The following BAIAP2 variants were observed in gnomAD, a reference collection of about 807,000 sequenced individuals.
The protein encoded by BAIAP2 is BAR/IMD domain-containing adapter protein 2.
Under a neutral mutation model 63.0 loss-of-function variants are expected in BAIAP2, and 18 were observed. The ratio of observed to expected loss-of-function variants is 0.29; its 90% CI spans 0.20 to 0.42. BAIAP2 has a LOEUF of 0.42. BAIAP2 is among the 10% of genes least tolerant of loss of function. BAIAP2 has a pLI of 1.00. For synonymous variants in BAIAP2, 386 were observed against 307.6 expected (o/e 1.25, Z -2.67); for missense variants, 610 against 734.3 (o/e 0.83, Z 1.96).
At chr17:81,062,926 C>T (rs796523686) in intron 3 of BAIAP2, among the ~76,000 whole-genome samples, 4 of 149,752 alleles carry the variant, frequency 2.7e-5, no homozygotes, top group Non-Finnish European at 5.9e-5. Context: ...CCCCGCCCCC[C>T]CGCCGCCCCC....
At chr17:81,059,924 TGGC>T (rs1470012817) in intron 3 of BAIAP2, among the ~76,000 whole-genome samples, 7 of 152,270 alleles carry the variant, frequency 4.6e-5, no homozygotes, top group African/African-American at 1.7e-4. Flanking sequence ...AACTTCCTGT[TGGC>T]GGAGTCCCTG....
At chr17:81,082,230 C>T (rs902576056) in intron 3 of BAIAP2, among the ~76,000 whole-genome samples, 3 of 152,208 alleles carry the variant, frequency 2.0e-5, no homozygotes, top group Non-Finnish European at 4.4e-5. Flanking sequence ...CACACATGCT[C>T]ACCCGCATAA....
chr17:81,104,183 C>A, intron 9 of BAIAP2, 75 bp downstream of exon 9: 1 of 1,480,420 alleles, frequency 6.8e-7, no homozygotes, highest in East Asian at 2.4e-5. Context: ...TGCCACAACC[C>A]TCAATAGGGG....
intron 1 of BAIAP2, among the ~76,000 whole-genome samples, chr17:81,038,577 C>T (rs983051035): frequency 1.8e-4 from 28 of 152,224 alleles, no homozygotes; most frequent in Admixed American, 4.6e-4. Context: ...GCCAGCCTGG[C>T]GGGGCCGCAG....
intron 13 of BAIAP2, chr17:81,109,095 G>A: frequency 2.0e-6 from 3 of 1,481,678 alleles, no homozygotes; most frequent in South Asian, 1.3e-5. Flanking sequence ...GTTTGTTCTT[G>A]GGTTGTTTTT....
At chr17:81,082,281 C>T (rs1204288512) in intron 3 of BAIAP2, among the ~76,000 whole-genome samples, 2 of 152,194 alleles carry the variant, frequency 1.3e-5, no homozygotes, top group Admixed American at 6.5e-5. Flanking sequence ...TGCCCACTCA[C>T]ATAGGTAGAC....
intron 6 of BAIAP2, among the ~76,000 whole-genome samples, chr17:81,092,324 C>G (rs1419447061): frequency 6.6e-6 from 1 of 152,218 alleles, no homozygotes; most frequent in African/African-American, 2.4e-5. Context: ...CACTGCCCGC[C>G]TCCACTGCCG....
chr17:81,039,141 G>A (rs920611702), intron 1 of BAIAP2, among the ~76,000 whole-genome samples: 1 of 152,210 alleles, frequency 6.6e-6, no homozygotes, highest in African/African-American at 2.4e-5. Context: ...TGTGTTACCC[G>A]CCCTCGCCAC....
rs747775919 is a variant in BAIAP2 at position 81,103,989 on chromosome 17, G to A, written c.947G>A (p.Arg316His). Reference protein sequence around the residue: ...DGEDYSPWADRKAAQPKSLSP... With the variant: ...DGEDYSPWADHKAAQPKSLSP... ...GAGGACTACAGCCCGTGGGCTGACCGCAAGGCTGCCCAGCCCAAATCCCTG... is the reference window on the plus strand; with the variant it reads ...GAGGACTACAGCCCGTGGGCTGACCACAAGGCTGCCCAGCCCAAATCCCTG... Residue 316 changes from arginine to histidine, a missense_variant, in exon 9 of 14, where the codon CGC becomes CAC. Arg to His is a conservative substitution (Grantham distance 29, BLOSUM62 0). Transcript: ENST00000428708. 14 of 1,613,004 alleles carry A rather than the reference G, an allele frequency of 8.7e-6. No homozygotes were observed. Among genetic ancestry groups the A allele is most frequent in the East Asian group, 2.2e-5 (1 of 44,892 alleles).
At chr17:81,086,006 G>A (rs920832701) in intron 5 of BAIAP2, among the ~76,000 whole-genome samples, 5 of 152,188 alleles carry the variant, frequency 3.3e-5, no homozygotes, top group African/African-American at 1.2e-4. Flanking sequence ...TCTGCTGCCG[G>A]GGAGTGCAGG....
At chr17:81,065,770 A>G (rs536440643) in intron 3 of BAIAP2, among the ~76,000 whole-genome samples, 22 of 152,336 alleles carry the variant, frequency 1.4e-4, no homozygotes, top group Admixed American at 3.9e-4. Flanking sequence ...GTCCTGGTAC[A>G]ACGTGTACAC....
At chr17:81,111,000 A>G (rs1451742677) in intron 13 of BAIAP2, 73 of 1,611,888 alleles carry the variant, frequency 4.5e-5, no homozygotes, top group Non-Finnish European at 6.0e-5. Context: ...TGGCCTCTCC[A>G]GTGGTTCTCC....
Position 81,078,554 on chromosome 17 carries a change from G to A in BAIAP2, c.218-6278G>A, listed in dbSNP as rs563183317. Among the ~76,000 whole-genome samples, 241 of 142,190 alleles carry A rather than the reference G, an allele frequency of 1.7e-3. 3 individuals are homozygous for A. The highest frequency in any genetic ancestry group is 0.016 in the East Asian group (73 of 4,688). 93.3% of individuals were successfully genotyped at this position (142,190 alleles called of 152,430 possible). A position where few individuals can be genotyped will look rare whatever the true frequency, so the allele number is the denominator to read the frequency against. ...CCGTATTGGGTGGGAGCCGGGCGCT[G>A]TGGGTGCAGGTGCCATCTCCGAGCT... is the stretch of plus-strand genomic sequence containing the variant. On this transcript the variant is annotated intron_variant, in intron 3 of 13. Coordinates refer to ENST00000428708, the MANE Select transcript of BAIAP2 (RefSeq NM_001144888.2).
intron 1 of BAIAP2, among the ~76,000 whole-genome samples, chr17:81,035,649 C>T (rs2046129669): frequency 6.6e-6 from 1 of 151,332 alleles, no homozygotes; most frequent in Non-Finnish European, 1.5e-5. Flanking sequence ...AACGGAGCCG[C>T]GCGCCGGGCC....
chr17:81,098,235 G>C (rs953433240), intron 6 of BAIAP2: 22 of 1,285,296 alleles, frequency 1.7e-5, no homozygotes, highest in African/African-American at 6.1e-5. Flanking sequence ...GGGCAGGCTG[G>C]GAGGCGCCTC....
chr17:81,066,036 G>T (rs997823336), intron 3 of BAIAP2, among the ~76,000 whole-genome samples: 3 of 152,242 alleles, frequency 2.0e-5, no homozygotes, highest in African/African-American at 7.2e-5. Flanking sequence ...GTCTATCTGG[G>T]GCCCTGAGCC....
rs1450613757 is a variant in BAIAP2 at position 81,046,558 on chromosome 17, C to T, written c.55-7110C>T. ...TCGGTGCTCCTGTGTGTGGGGTCAG[C>T]AGTGGCCCGCCCTGGAGGACGCTGC... On this transcript the variant is annotated intron_variant, in intron 1 of 13. Coordinates refer to ENST00000428708, the MANE Select transcript of BAIAP2 (RefSeq NM_001144888.2). The surrounding 1 kb of genome is among the most constrained non-coding windows in gnomAD (Gnocchi z 4.5). Among the ~76,000 whole-genome samples, 1 of 152,134 alleles carries T rather than the reference C, an allele frequency of 6.6e-6. No individual in the cohort carries two copies. Among genetic ancestry groups the T allele is most frequent in the Non-Finnish European group, 1.5e-5 (1 of 68,022 alleles).
At chr17:81,075,219 G>A (rs989258926) in intron 3 of BAIAP2, among the ~76,000 whole-genome samples, 2 of 152,224 alleles carry the variant, frequency 1.3e-5, no homozygotes, top group African/African-American at 4.8e-5. Context: ...CCGGCGGCCA[G>A]GTCTGCGCCT....
intron 1 of BAIAP2, among the ~76,000 whole-genome samples, chr17:81,049,106 A>G (rs1248263591): frequency 6.6e-6 from 1 of 152,246 alleles, no homozygotes; most frequent in East Asian, 1.9e-4. Flanking sequence ...CCAGGGAGCC[A>G]GTGCGTGGTC....
Sources: allele counts gnomAD v4.1 joint callset (sites outside exome capture counted in the v4.1 genomes callset), GRCh38; gene constraint gnomAD v4.1.1; non-coding constraint Gnocchi (gnomAD v3.1); transcripts MANE v1.5; gene names NCBI Gene and HGNC (gene_info 2026-07-23, HGNC 2026-07-21).